The following WNK2 variants were observed in gnomAD, a reference collection of about 807,000 sequenced individuals.
The protein encoded by WNK2 is serine/threonine-protein kinase WNK2.
Under a neutral mutation model 192.1 loss-of-function variants are expected in WNK2, and 67 were observed. The ratio of observed to expected loss-of-function variants is 0.35; its 90% confidence interval spans 0.29 to 0.43. The LOEUF (loss-of-function observed/expected upper bound fraction) is 0.43, where lower values mean the gene tolerates loss of function less well. WNK2 is among the 20% of genes least tolerant of loss of function. WNK2 has a pLI of 1.00. For missense variants in WNK2, 2,698 were observed against 3,089.7 expected, an observed-to-expected ratio of 0.87 and a Z score of 3.01; for synonymous variants, 1,439 against 1,393.9, an observed-to-expected ratio of 1.03 and a Z score of -0.72.
intron 2 of WNK2, among the ~76,000 whole-genome samples, chr9:93,191,327 TG>T (rs1385010002): frequency 6.6e-6 from 1 of 152,108 alleles, no homozygotes; most frequent in Admixed American, 6.6e-5. Context: ...GGCCTGTGCT[TG>T]GGTCTCAACA....
intron 11 of WNK2, among the ~76,000 whole-genome samples, chr9:93,258,073 T>C (rs1415130575): frequency 1.3e-5 from 2 of 152,206 alleles, no homozygotes; most frequent in East Asian, 3.8e-4. Flanking sequence ...GATGTCACCA[T>C]AGGACGTTAG....
At chr9:93,246,789 T>TGC (rs1841781257) in intron 7 of WNK2, among the ~76,000 whole-genome samples, 1 of 152,138 alleles carries the variant, frequency 6.6e-6, no homozygotes, top group African/African-American at 2.4e-5. Context: ...AGGACTGAGG[T>TGC]GCTCAGGAAG....
At chr9:93,208,308 A>G (rs965898795) in intron 2 of WNK2, among the ~76,000 whole-genome samples, 17 of 152,328 alleles carry the variant, frequency 1.1e-4, no homozygotes, top group African/African-American at 4.1e-4. Flanking sequence ...AAATATTTTG[A>G]AAACAATAGA....
chr9:93,259,123 G>C lies in WNK2; in HGVS notation c.2575G>C (p.Val859Leu), dbSNP rs778814132. Residue 859 changes from valine to leucine, a missense_variant, in exon 12 of 30, where the codon GTG (valine) becomes CTG (leucine). Around this residue, in one of 7 missense-constraint regions of WNK2, gnomAD observed 893 missense variants for 909.0 expected, o/e 0.98. Transcript: ENST00000427277. The surrounding 1 kb of genome is among the most constrained non-coding windows in gnomAD (Gnocchi z 4.8). ...GTCCCCAGCCTTGCCTCTGCAGGCT[G>C]TGAAGCTGCCCCACCCCCCTGGGGC... ...PASPALPLQA[V>L]KLPHPPGAPL... The C allele has an allele frequency of 1.2e-6, 2 of 1,611,788 alleles. No homozygotes were observed. Among genetic ancestry groups the C allele is most frequent in the South Asian group, 1.1e-5 (1 of 90,998 alleles).
At chr9:93,289,853 C>T (rs1277831709) in intron 20 of WNK2, 125 bp from the exon 21 acceptor site, 3 of 1,002,382 alleles carry the variant, frequency 3.0e-6, no homozygotes, top group African/African-American at 1.6e-5. Flanking sequence ...CCCATCCATG[C>T]ACACACAGGG....
intron 7 of WNK2, among the ~76,000 whole-genome samples, chr9:93,241,142 G>A (rs1017124809): frequency 2.6e-5 from 4 of 152,264 alleles, no homozygotes; most frequent in African/African-American, 9.6e-5. Context: ...GAACCCTAGT[G>A]CAGGGCCTAG....
chr9:93,253,181 C>T (rs1420283765), intron 9 of WNK2, 99 bp downstream of exon 9: 5 of 1,079,978 alleles, frequency 4.6e-6, no homozygotes, highest in Non-Finnish European at 6.1e-6. Flanking sequence ...CCAGGCTGCA[C>T]TGCATTGTGG....
chr9:93,248,046 G>A (rs553416275), intron 8 of WNK2, among the ~76,000 whole-genome samples: 9 of 152,352 alleles, frequency 5.9e-5, no homozygotes, highest in East Asian at 1.9e-4. Flanking sequence ...GGTAGTTTCC[G>A]GGAGTCCTGG....
chr9:93,261,355 G>A (rs955982134), intron 12 of WNK2, among the ~76,000 whole-genome samples: 9 of 152,206 alleles, frequency 5.9e-5, no homozygotes, highest in African/African-American at 1.7e-4. Flanking sequence ...AGAGAGAGAC[G>A]AGAACAGTGA....
At chr9:93,258,845 A>T (rs375390791) in intron 11 of WNK2, 86 bp from the exon 12 acceptor site, 1 of 1,239,300 alleles carries the variant, frequency 8.1e-7, no homozygotes, top group Non-Finnish European at 1.2e-6. Flanking sequence ...CTCGTCCCCA[A>T]TGACTGTGGC....
chr9:93,261,297 G>C (rs984180921), intron 12 of WNK2, among the ~76,000 whole-genome samples: 1 of 152,178 alleles, frequency 6.6e-6, no homozygotes, highest in Non-Finnish European at 1.5e-5. Flanking sequence ...TCCAATCCAT[G>C]GTTCCTCCTT....
chr9:93,292,566 G>A lies in WNK2; in HGVS notation c.5101G>A (p.Ala1701Thr), dbSNP rs1218839852. Residue 1701 changes from alanine to threonine, a missense_variant, in exon 23 of 30, where the codon GCA (alanine) becomes ACA (threonine). Physicochemically the swap from Ala to Thr is moderately conservative, Grantham distance 58. Transcript: ENST00000427277. ...RDGGEAGESS[A>T]EPPPSDMGTV... ...TGGTGGAGAAGCTGGAGAAAGCTCGGCAGAGCCCCCGCCGAGTGACATGGG... is the reference window on the plus strand; with the variant it reads ...TGGTGGAGAAGCTGGAGAAAGCTCGACAGAGCCCCCGCCGAGTGACATGGG... 10 of 1,569,868 alleles carry A rather than the reference G, an allele frequency of 6.4e-6. No homozygotes were observed. Among genetic ancestry groups the A allele is most frequent in the Non-Finnish European group, 8.7e-6 (10 of 1,155,824 alleles).
chr9:93,235,189 G>A (rs941597911), intron 5 of WNK2, among the ~76,000 whole-genome samples: 3 of 152,168 alleles, frequency 2.0e-5, no homozygotes, highest in Non-Finnish European at 2.9e-5. Context: ...AAGGGATGGT[G>A]GTGCATGGGG....
intron 19 of WNK2, among the ~76,000 whole-genome samples, chr9:93,279,045 A>C (rs1416146105): frequency 6.6e-6 from 1 of 152,226 alleles, no homozygotes; most frequent in Non-Finnish European, 1.5e-5. Context: ...ACAGCCGAAA[A>C]GCATCCCCCA....
At chr9:93,308,694 C>T (rs964101571) in intron 28 of WNK2, 110 bp downstream of exon 28, 10 of 1,382,578 alleles carry the variant, frequency 7.2e-6, no homozygotes, top group Non-Finnish European at 7.7e-6. Context: ...TCTTCATTTT[C>T]ATGATCCAAG....
In WNK2 at chr9:93,238,576, C is replaced by A. The variant is rs116320730; in HGVS notation, c.1322+255C>A. On this transcript the variant is annotated intron_variant, in intron 6 of 29. Transcript: ENST00000427277. ...TCTCCTTGGCTTTGGGGACAGCCCC[C>A]TCCTTGGCTTTGAGGACAGTCCTGT... Among the ~76,000 whole-genome samples the A allele has an allele frequency of 1.7e-4, 26 of 152,340 alleles. No individual in the cohort carries two copies. The East Asian group carries it at 4.8e-3, about 28-fold the overall frequency.
Position 93,292,962 on chromosome 9 carries a change from G to T in WNK2, c.5497G>T (p.Ala1833Ser), listed in dbSNP as rs778449847. 6.5e-7 allele frequency: 1 copy of T among 1,538,180 alleles called. No homozygotes were observed. Among genetic ancestry groups the T allele is most frequent in the Non-Finnish European group, 8.7e-7 (1 of 1,143,428 alleles). ...QASLPVSGSV[A>S]GDFVKKATAF... ...GTCCCTGCCCGTGAGTGGCAGCGTG[G>T]CTGGCGACTTCGTGAAGAAGGCCAC... Residue 1833 changes from alanine (A) to serine (S), a missense_variant, in exon 23 of 30, where the codon GCT becomes TCT. This residue lies in a region of WNK2 where 1,098 missense variants were observed against 1,101.0 expected (regional missense o/e 1.00). Transcript: ENST00000427277.
intron 2 of WNK2, among the ~76,000 whole-genome samples, chr9:93,225,769 A>G (rs1837702377): frequency 6.6e-6 from 1 of 152,202 alleles, no homozygotes; most frequent in Admixed American, 6.5e-5. Context: ...GGCGCACAGA[A>G]AGGGAATTGT....
At chr9:93,187,397 T>C (rs1193469419) in intron 2 of WNK2, among the ~76,000 whole-genome samples, 1 of 152,164 alleles carries the variant, frequency 6.6e-6, no homozygotes, top group Non-Finnish European at 1.5e-5. Context: ...TATATGTTGA[T>C]GTTCCTTGCC....
Sources: allele counts gnomAD v4.1 joint callset (sites outside exome capture counted in the v4.1 genomes callset), GRCh38; gene constraint gnomAD v4.1.1; regional missense constraint gnomAD v4.1.1; non-coding constraint Gnocchi (gnomAD v3.1); transcripts MANE v1.5; gene names NCBI Gene and HGNC (gene_info 2026-07-23, HGNC 2026-07-21).